Variants in DCC observed in about 807,000 individuals in gnomAD.
The protein encoded by DCC is DCC netrin 1 receptor, also known as netrin receptor DCC.
DCC carries 58 observed loss-of-function variants against 172.5 expected under a neutral mutation model. That is an observed-to-expected ratio of 0.34 (90% CI 0.27 to 0.42). The LOEUF is 0.42. Ranked by LOEUF, DCC falls within the 10% of genes least tolerant of loss-of-function variation. The pLI, the probability that DCC is intolerant of heterozygous loss-of-function variation, is 1.00. For missense variants in DCC, 1,740 were observed against 1,791.0 expected, an observed-to-expected ratio of 0.97 and a Z score of 0.51; for synonymous variants, 709 against 644.5, an observed-to-expected ratio of 1.10 and a Z score of -1.52.
chr18:52,700,048 C>CAA (rs34893826), intron 1 of DCC, among the ~76,000 whole-genome samples: 7 of 140,594 alleles, frequency 5.0e-5, no homozygotes, highest in African/African-American at 1.6e-4. Context: ...TCTGTTTATG[C>CAA]AAAAAAAAAA....
intron 12 of DCC, among the ~76,000 whole-genome samples, chr18:53,301,957 A>T (rs571393666): frequency 6.6e-6 from 1 of 152,312 alleles, no homozygotes; most frequent in Admixed American, 6.5e-5. Flanking sequence ...ATTTTCTCAC[A>T]GTTAGTGAAG....
intron 12 of DCC, among the ~76,000 whole-genome samples, chr18:53,304,258 G>T (rs562538803): frequency 6.6e-6 from 1 of 152,104 alleles, no homozygotes; most frequent in African/African-American, 2.4e-5. Flanking sequence ...GCTTGAGGGT[G>T]GGGCCTTTTG....
At chr18:52,892,647 T>C (rs1212966891) in intron 2 of DCC, 2 of 152,134 alleles carry the variant, frequency 1.3e-5, no homozygotes, top group Non-Finnish European at 2.9e-5. Context: ...CGTCAAACAT[T>C]GTCATTTTCC....
At chr18:52,993,298 G>A (rs989516760) in intron 5 of DCC, among the ~76,000 whole-genome samples, 19 of 152,090 alleles carry the variant, frequency 1.2e-4, no homozygotes, top group African/African-American at 3.9e-4. Flanking sequence ...AGATTTTTAC[G>A]TAGGATGTAA....
At chr18:52,981,699 C>G (rs1029346360) in intron 5 of DCC, among the ~76,000 whole-genome samples, 2 of 152,062 alleles carry the variant, frequency 1.3e-5, no homozygotes, top group African/African-American at 4.8e-5. Flanking sequence ...TAGTATACAT[C>G]TTTATGTATA....
intron 7 of DCC, among the ~76,000 whole-genome samples, chr18:53,073,163 G>C (rs1300594333): frequency 1.1e-4 from 17 of 151,998 alleles, no homozygotes; most frequent in Non-Finnish European, 4.4e-5. Flanking sequence ...ATTGAAAATA[G>C]AAAAAGAGAT....
intron 2 of DCC, among the ~76,000 whole-genome samples, chr18:52,902,073 C>T (rs756193): frequency 0.9 from 136,541 of 152,144 alleles, 61,727 homozygotes; most frequent in Middle Eastern, 0.97. Flanking sequence ...TGTTCCTTTT[C>T]AGAGGAAGTT....
intron 5 of DCC, among the ~76,000 whole-genome samples, chr18:52,988,175 A>G (rs962110998): frequency 2.0e-5 from 3 of 152,180 alleles, no homozygotes; most frequent in African/African-American, 7.2e-5. Flanking sequence ...TTGTGTGTTT[A>G]GCACATTTTT....
chr18:53,138,427 TATAAA>T (rs1204893284), intron 7 of DCC, among the ~76,000 whole-genome samples: 3 of 152,208 alleles, frequency 2.0e-5, no homozygotes, highest in Admixed American at 2.0e-4. Context: ...AAAAACATAA[TATAAA>T]ATAACATAGA....
intron 12 of DCC, among the ~76,000 whole-genome samples, chr18:53,263,736 T>C (rs2056633748): frequency 6.6e-6 from 1 of 152,028 alleles, no homozygotes; most frequent in East Asian, 1.9e-4. Context: ...TACATGTCAA[T>C]CATATACTTA....
chr18:52,498,664 A>G (rs2030896689), intron 1 of DCC, among the ~76,000 whole-genome samples: 1 of 151,968 alleles, frequency 6.6e-6, no homozygotes, highest in Admixed American at 6.6e-5. Flanking sequence ...AAAATAATGA[A>G]TATATATTTT....
intron 5 of DCC, among the ~76,000 whole-genome samples, chr18:53,054,438 T>C (rs1046242809): frequency 6.6e-6 from 1 of 152,126 alleles, no homozygotes; most frequent in Non-Finnish European, 1.5e-5. Context: ...AAGCCATCAA[T>C]AGCACATGAA....
At chr18:52,940,134 A>G (rs1453732856) in intron 5 of DCC, among the ~76,000 whole-genome samples, 1 of 152,204 alleles carries the variant, frequency 6.6e-6, no homozygotes, top group East Asian at 1.9e-4. Context: ...AAGGAAGACC[A>G]TCTGGTGGTA....
At chr18:52,979,287 T>A (rs761821010) in intron 5 of DCC, among the ~76,000 whole-genome samples, 2 of 152,084 alleles carry the variant, frequency 1.3e-5, no homozygotes, top group Non-Finnish European at 2.9e-5. Context: ...AGTTTGACTA[T>A]CTCTTCCTGG....
At chr18:53,468,363 T>TTTATTTTA (rs1555675962) in intron 25 of DCC, among the ~76,000 whole-genome samples, 554 of 54,732 alleles carry the variant, frequency 0.01, 6 homozygotes, top group African/African-American at 0.022. Context: ...TATTTATTTA[T>TTTATTTTA]TTTATTTATT....
intron 1 of DCC, among the ~76,000 whole-genome samples, chr18:52,396,922 T>C (rs781503933): frequency 5.9e-5 from 9 of 152,052 alleles, no homozygotes; most frequent in Non-Finnish European, 8.8e-5. Context: ...AATTTTTCCT[T>C]AGCTGATGCT....
At chr18:52,504,140 G>A (rs2031134314) in intron 1 of DCC, among the ~76,000 whole-genome samples, 2 of 152,116 alleles carry the variant, frequency 1.3e-5, no homozygotes, top group South Asian at 4.1e-4. Flanking sequence ...AGGATGCGTT[G>A]GGGAGGGGGG....
intron 5 of DCC, among the ~76,000 whole-genome samples, chr18:53,053,688 G>C (rs563391393): frequency 6.6e-6 from 1 of 152,222 alleles, no homozygotes; most frequent in Admixed American, 6.6e-5. Flanking sequence ...GGGAATACTA[G>C]AAAATATTTG....
intron 1 of DCC, among the ~76,000 whole-genome samples, chr18:52,645,723 A>C (rs2144912320): frequency 6.6e-6 from 1 of 152,358 alleles, no homozygotes; most frequent in African/African-American, 2.4e-5. Flanking sequence ...TCTACCATGC[A>C]GCCCGTTCAG....
Sources: allele counts gnomAD v4.1 joint callset (sites outside exome capture counted in the v4.1 genomes callset), GRCh38; gene constraint gnomAD v4.1.1; transcripts MANE v1.5; gene names NCBI Gene and HGNC (gene_info 2026-07-23, HGNC 2026-07-21).